Variants in UBAC2 observed in about 807,000 individuals in gnomAD.
UBAC2 encodes UBA domain containing 2, also known as ubiquitin-associated domain-containing protein 2.
In UBAC2, 26 loss-of-function variants were observed where a neutral mutation model predicts 44.0. That is an observed-to-expected ratio of 0.59 (90% CI 0.43 to 0.82). UBAC2 has a LOEUF of 0.82. UBAC2 is among the 40% of genes least tolerant of loss of function. UBAC2 has a pLI of 0.00. For missense variants in UBAC2, 329 were observed against 419.4 expected, an observed-to-expected ratio of 0.78 and a Z score of 1.88; for synonymous variants, 155 against 154.3, an observed-to-expected ratio of 1.00 and a Z score of -0.04.
chr13:99,306,188 A>T (rs1057311058), intron 4 of UBAC2, among the ~76,000 whole-genome samples: 2 of 152,126 alleles, frequency 1.3e-5, no homozygotes, highest in Non-Finnish European at 2.9e-5. Context: ...GAGCCACCAC[A>T]CCCAGCCTGA....
chr13:99,299,820 C>T (rs566153614), intron 4 of UBAC2, among the ~76,000 whole-genome samples: 37 of 152,244 alleles, frequency 2.4e-4, no homozygotes, highest in Non-Finnish European at 4.1e-4. Context: ...TTATCTACTT[C>T]GCAGGTGATA....
At chr13:99,260,039 C>G (rs1299509982) in intron 4 of UBAC2, among the ~76,000 whole-genome samples, 4 of 152,200 alleles carry the variant, frequency 2.6e-5, no homozygotes, top group Non-Finnish European at 5.9e-5. Context: ...GCTACATTTG[C>G]TCTTCCTGCC....
intron 1 of UBAC2, among the ~76,000 whole-genome samples, chr13:99,225,192 G>A (rs1446332747): frequency 6.6e-6 from 1 of 152,080 alleles, no homozygotes; most frequent in East Asian, 1.9e-4. Context: ...AACTATTTTT[G>A]TGTATAGTCC....
chr13:99,265,461 C>A (rs2043730283), intron 4 of UBAC2, among the ~76,000 whole-genome samples: 1 of 152,238 alleles, frequency 6.6e-6, no homozygotes, highest in South Asian at 2.1e-4. Context: ...GCTCTTCTAA[C>A]ATGAATGGAA....
intron 7 of UBAC2, among the ~76,000 whole-genome samples, chr13:99,366,097 T>C (rs2045327188): frequency 6.6e-6 from 1 of 152,218 alleles, no homozygotes; most frequent in South Asian, 2.1e-4. Context: ...ATTTTAGATT[T>C]ATCTTTTGTG....
At chr13:99,349,949 A>G (rs1454200797) in intron 7 of UBAC2, among the ~76,000 whole-genome samples, 2 of 152,216 alleles carry the variant, frequency 1.3e-5, no homozygotes, top group South Asian at 2.1e-4. Context: ...CTGCTAAGTA[A>G]TGGGTGTCTT....
intron 4 of UBAC2, among the ~76,000 whole-genome samples, chr13:99,288,740 C>G (rs984732662): frequency 6.6e-6 from 1 of 152,154 alleles, no homozygotes; most frequent in Non-Finnish European, 1.5e-5. Flanking sequence ...ATTTTAGTAC[C>G]AAGCAAGTAT....
intron 7 of UBAC2, among the ~76,000 whole-genome samples, chr13:99,341,234 C>T (rs760528552): frequency 3.3e-5 from 5 of 152,124 alleles, no homozygotes; most frequent in Admixed American, 6.5e-5. Flanking sequence ...CCCCATTTTT[C>T]GCCTCCACCT....
Position 99,385,427 on chromosome 13 carries a change from G to C in UBAC2, c.*92G>C, listed in dbSNP as rs544187145. 2.1e-5 allele frequency: 21 copies of C among 1,013,184 alleles called. No individual in the cohort carries two copies. The highest frequency in any genetic ancestry group is 3.0e-5 in the Non-Finnish European group (20 of 659,524). 62.8% of individuals were successfully genotyped at this position (1,013,184 alleles called of 1,614,324 possible). ...TCAGCCCGGGGACCGAGCATCTCTGGTGCTGATGTTCTTGTGGGAAGAGGG... is the reference window on the plus strand; with the variant it reads ...TCAGCCCGGGGACCGAGCATCTCTGCTGCTGATGTTCTTGTGGGAAGAGGG... On this transcript the variant is annotated 3_prime_UTR_variant, in exon 9 of 9. Coordinates refer to ENST00000403766, the MANE Select transcript of UBAC2 (RefSeq NM_001144072.2).
intron 7 of UBAC2, among the ~76,000 whole-genome samples, chr13:99,362,386 G>A (rs2045276792): frequency 6.6e-6 from 1 of 152,136 alleles, no homozygotes; most frequent in Non-Finnish European, 1.5e-5. Context: ...GCTCCCTAGA[G>A]GTGAAGTTGC....
intron 4 of UBAC2, among the ~76,000 whole-genome samples, chr13:99,301,381 C>T (rs990828373): frequency 2.0e-5 from 3 of 152,246 alleles, no homozygotes; most frequent in African/African-American, 7.2e-5. Context: ...GAGACAATCC[C>T]AGTTTTGCCT....
At chr13:99,206,281 G>C (rs750963025) in intron 1 of UBAC2, among the ~76,000 whole-genome samples, 36 of 152,302 alleles carry the variant, frequency 2.4e-4, no homozygotes, top group Non-Finnish European at 4.6e-4. Context: ...CTCCAGAGGT[G>C]GGGGGACAGT....
chr13:99,346,041 G>A lies in UBAC2; in HGVS notation c.807+5476G>A, dbSNP rs997455961. On this transcript the variant is annotated intron_variant, in intron 7 of 8. Coordinates refer to ENST00000403766, the MANE Select transcript of UBAC2 (RefSeq NM_001144072.2). ...CAGGCGTGAGCCACCGCACACAGCC[G>A]ACATGTACTGTTTCTTTGCTAAATT... 2.8e-4 allele frequency among the ~76,000 whole-genome samples: 42 copies of A among 152,038 alleles called. 1 individual carries two copies. Among genetic ancestry groups the A allele is most frequent in the Admixed American group, 2.4e-3 (36 of 15,260 alleles).
chr13:99,277,220 A>G (rs993959336), intron 4 of UBAC2, among the ~76,000 whole-genome samples: 4 of 152,170 alleles, frequency 2.6e-5, no homozygotes, highest in Non-Finnish European at 5.9e-5. Context: ...TGTTCAAACT[A>G]CCATCTTTAA....
At chr13:99,345,741 CTTTT>C (rs766632532) in intron 7 of UBAC2, among the ~76,000 whole-genome samples, 1 of 130,940 alleles carries the variant, frequency 7.6e-6, no homozygotes, top group South Asian at 2.4e-4. Context: ...TTTTTTCTTT[CTTTT>C]TTTTTTTTTT....
intron 1 of UBAC2, chr13:99,201,687 C>A: frequency 8.8e-7 from 1 of 1,133,636 alleles, no homozygotes; most frequent in Non-Finnish European, 1.3e-6. Context: ...CAACGGAGAA[C>A]AGCTCTAATT....
At chr13:99,359,347 C>T (rs2045232802) in intron 7 of UBAC2, among the ~76,000 whole-genome samples, 2 of 152,186 alleles carry the variant, frequency 1.3e-5, no homozygotes, top group Non-Finnish European at 2.9e-5. Context: ...TCTTAATTCT[C>T]TTTCTACTTT....
intron 1 of UBAC2, among the ~76,000 whole-genome samples, chr13:99,237,271 TACACACACAC>T (rs57466771): frequency 6.9e-6 from 1 of 144,928 alleles, no homozygotes; most frequent in East Asian, 2.0e-4. Context: ...TATATATATA[TACACACACAC>T]ACACACACAC....
At position 99,300,488 on chromosome 13, in the gene UBAC2, G is replaced by A. The variant is rs566363120; in HGVS notation, c.390-13609G>A. ...AATTGAGAGGAAAATCCTTTCATAT[G>A]CGTGACTGTTACTATCCCATTCTTA... On this transcript the variant is annotated intron_variant, in intron 4 of 8. Coordinates refer to ENST00000403766, the MANE Select transcript of UBAC2 (RefSeq NM_001144072.2). 1.3e-4 allele frequency among the ~76,000 whole-genome samples: 20 copies of A among 152,258 alleles called. No homozygotes were observed. In the South Asian group the frequency reaches 3.9e-3, roughly 30 times the overall value.
Sources: allele counts gnomAD v4.1 joint callset (sites outside exome capture counted in the v4.1 genomes callset), GRCh38; gene constraint gnomAD v4.1.1; transcripts MANE v1.5; gene names NCBI Gene and HGNC (gene_info 2026-07-23, HGNC 2026-07-21).